Variants in RYK observed in about 807,000 individuals in gnomAD.
RYK encodes the protein inactive tyrosine-protein kinase RYK.
In RYK, 21 loss-of-function variants were observed where a neutral mutation model predicts 70.2. That is an observed-to-expected ratio of 0.30 (90% CI 0.21 to 0.43). The LOEUF (loss-of-function observed/expected upper bound fraction) is 0.43. RYK is among the 20% of genes least tolerant of loss of function. RYK has a pLI of 1.00. For synonymous variants in RYK, 267 were observed against 278.0 expected, an observed-to-expected ratio of 0.96 and a Z score of 0.39; for missense variants, 604 against 753.3, an observed-to-expected ratio of 0.80 and a Z score of 2.32.
chr3:134,189,729 C>T (rs533923165), intron 8 of RYK, among the ~76,000 whole-genome samples: 22 of 109,824 alleles, frequency 2.0e-4, no homozygotes, highest in Admixed American at 5.4e-4. Flanking sequence ...GGCAACAGAA[C>T]GAGACTCCGC....
intron 2 of RYK, among the ~76,000 whole-genome samples, chr3:134,214,912 T>C (rs1576524777): frequency 6.6e-6 from 1 of 152,178 alleles, no homozygotes; most frequent in East Asian, 1.9e-4. Context: ...CAAATGTAAA[T>C]CCTTCAATCC....
intron 7 of RYK, among the ~76,000 whole-genome samples, chr3:134,194,531 T>TG (rs2013752135): frequency 6.6e-6 from 1 of 152,280 alleles, no homozygotes; most frequent in East Asian, 1.9e-4. Context: ...GAGACAGTAC[T>TG]GGAAAACCAC....
chr3:134,222,318 G>A (rs1241946436), intron 2 of RYK, 100 bp downstream of exon 2: 19 of 1,193,020 alleles, frequency 1.6e-5, no homozygotes, highest in East Asian at 2.3e-5. Flanking sequence ...CATCACCAGC[G>A]GACCCTTCAG....
rs140074599 is a variant in RYK, at chr3:134,196,762, C to T, written c.789-1580G>A. 5.3e-5 allele frequency among the ~76,000 whole-genome samples: 8 copies of T among 152,226 alleles called. No homozygotes were observed. The East Asian group carries it at 1.5e-3, about 29-fold the overall frequency. ...AAGTCTTTATGTAGCCTTTCTATGG[C>T]TAATAATACAATATACTACTATCTG... On this transcript the variant is annotated intron_variant, in intron 6 of 14. Coordinates refer to ENST00000623711, the MANE Select transcript of RYK (RefSeq NM_002958.4).
At position 134,206,538 on chromosome 3, in the gene RYK, C is replaced by T. The variant is rs540346783; in HGVS notation, c.643+934G>A. Among the ~76,000 whole-genome samples the T allele has an allele frequency of 1.2e-4, 19 of 152,178 alleles. 1 individual carries two copies. The highest frequency in any genetic ancestry group is 1.0e-3 in the Admixed American group (16 of 15,284). ...GAAAAAAAGACATTTTAAAGACAAT[C>T]GGGTTAATTTGAACATGGACTATCT... On this transcript the variant is annotated intron_variant, in intron 5 of 14. Transcript: ENST00000623711.
At chr3:134,178,864 T>C (rs1560004828) in intron 10 of RYK, 1 of 152,218 alleles carries the variant, frequency 6.6e-6, no homozygotes, top group Non-Finnish European at 1.5e-5. Context: ...CATAATTATA[T>C]CATCTTCCCC....
intron 6 of RYK, among the ~76,000 whole-genome samples, chr3:134,196,942 C>A (rs1433530661): frequency 6.6e-6 from 1 of 152,166 alleles, no homozygotes; most frequent in African/African-American, 2.4e-5. Flanking sequence ...AATGCCCCCC[C>A]AGCATGCCTT....
rs149927350 is a variant in RYK at position 134,160,611 on chromosome 3, T to C, written c.1576-1238A>G. ...GGCCAGGCACGGTGGCTCACACCTG[T>C]AATCCCAGCACTTTGGGAGGATTAT... On this transcript the variant is annotated intron_variant, in intron 13 of 14. Transcript: ENST00000623711. 4.1e-4 allele frequency among the ~76,000 whole-genome samples: 63 copies of C among 152,312 alleles called. 1 individual carries two copies. Among genetic ancestry groups the C allele is most frequent in the African/African-American group, 1.4e-3 (58 of 41,576 alleles).
At chr3:134,247,642 C>T (rs529537982) in intron 1 of RYK, among the ~76,000 whole-genome samples, 19 of 150,490 alleles carry the variant, frequency 1.3e-4, no homozygotes, top group South Asian at 4.2e-4. Flanking sequence ...GCAGAGGTTG[C>T]GGTGAGCTAA....
At chr3:134,229,457 C>A (rs2015000907) in intron 1 of RYK, among the ~76,000 whole-genome samples, 1 of 147,102 alleles carries the variant, frequency 6.8e-6, no homozygotes, top group African/African-American at 2.5e-5. Flanking sequence ...ACAGGTGACA[C>A]AGAACATAAA....
intron 1 of RYK, among the ~76,000 whole-genome samples, chr3:134,226,962 A>G (rs1218687628): frequency 6.6e-6 from 1 of 152,204 alleles, no homozygotes; most frequent in African/African-American, 2.4e-5. Flanking sequence ...TAGCCAATGT[A>G]TTAAGACATA....
chr3:134,204,724 A>G (rs1221028934), intron 5 of RYK, among the ~76,000 whole-genome samples: 2 of 152,056 alleles, frequency 1.3e-5, no homozygotes, highest in African/African-American at 4.8e-5. Flanking sequence ...GTGTGACTGG[A>G]GATTCATGAA....
At position 134,244,860 on chromosome 3, in the gene RYK, A is replaced by G. The variant is rs534819188; in HGVS notation, c.232+5563T>C. Reference sequence around the variant, plus strand: ...GGGCCCTTTGGGAGGTGATTAGCTCATAAGAGCAGTCCTCATGAATGGGAT... The same window carrying G: ...GGGCCCTTTGGGAGGTGATTAGCTCGTAAGAGCAGTCCTCATGAATGGGAT... On this transcript the variant is annotated intron_variant, in intron 1 of 14. Transcript: ENST00000623711. 3.3e-5 allele frequency among the ~76,000 whole-genome samples: 5 copies of G among 152,356 alleles called. No homozygotes were observed. The East Asian group carries it at 5.8e-4, about 18-fold the overall frequency.
chr3:134,180,900 T>C (rs2013271786), intron 10 of RYK: 1 of 152,192 alleles, frequency 6.6e-6, no homozygotes, highest in Admixed American at 6.5e-5. Flanking sequence ...AACCCCAATT[T>C]AGTATGTAAT....
rs1284777873 is a variant in RYK at position 134,250,569 on chromosome 3, A to AGCG, written c.83_85dup (p.Pro28dup). On this transcript the variant is annotated inframe_insertion, in exon 1 of 15. Coordinates refer to ENST00000623711, the MANE Select transcript of RYK (RefSeq NM_002958.4). The stretch of plus-strand genomic sequence containing the variant: ...CGGCAACAGCGCAAGCAGAAGCAGC[A>AGCG]GCGGCGGCGGCGGCGGGGCCCTCAG... 3.4e-4 allele frequency: 363 copies of AGCG among 1,078,554 alleles called. 1 individual carries two copies. The highest frequency in any genetic ancestry group is 2.6e-3 in the East Asian group (68 of 26,190). 66.8% of individuals were successfully genotyped at this position (1,078,554 alleles called of 1,614,324 possible).
rs530059834 is a variant in RYK at position 134,189,555 on chromosome 3, T to C, written c.1016-632A>G. On this transcript the variant is annotated intron_variant, in intron 8 of 14. Transcript: ENST00000623711. The stretch of plus-strand genomic sequence containing the variant: ...GCAGGCGGGTCATGAGGTCAGGAGA[T>C]TGAGACCATCGTGGCTAACACGGTG... Among the ~76,000 whole-genome samples, 23 of 152,092 alleles carry C rather than the reference T, an allele frequency of 1.5e-4. 1 individual carries two copies. Among genetic ancestry groups the C allele is most frequent in the Admixed American group, 1.3e-3 (20 of 15,284 alleles).
At position 134,217,576 on chromosome 3, in the gene RYK, A is replaced by G. The variant is rs568690932; in HGVS notation, c.354+4842T>C. Among the ~76,000 whole-genome samples the G allele has an allele frequency of 3.3e-5, 5 of 152,342 alleles. No individual in the cohort carries two copies. In the South Asian group the frequency reaches 1.0e-3, roughly 32 times the overall value. ...TACAACTCTGTATCAAGTGACAGAG[A>G]TCCTTGACCAGGATATTGTTCAGTG... On this transcript the variant is annotated intron_variant, in intron 2 of 14. Transcript: ENST00000623711.
chr3:134,243,327 A>G (rs62271188), intron 1 of RYK, among the ~76,000 whole-genome samples: 1 of 151,944 alleles, frequency 6.6e-6, no homozygotes, highest in Non-Finnish European at 1.5e-5. Flanking sequence ...CACCCCTTCA[A>G]CTGCCTTAGT....
chr3:134,161,040 T>C (rs59120085), intron 13 of RYK, among the ~76,000 whole-genome samples: 2 of 152,276 alleles, frequency 1.3e-5, no homozygotes, highest in East Asian at 3.9e-4. Context: ...CACATGGAAA[T>C]CTGAGTCAAC....
Sources: allele counts gnomAD v4.1 joint callset (sites outside exome capture counted in the v4.1 genomes callset), GRCh38; gene constraint gnomAD v4.1.1; transcripts MANE v1.5; gene names NCBI Gene and HGNC (gene_info 2026-07-23, HGNC 2026-07-21).